Variants in PBX1 observed in about 807,000 individuals in gnomAD.
The protein encoded by PBX1 is PBX homeobox 1.
PBX1 carries 6 observed loss-of-function variants against 53.4 expected under a neutral mutation model. The observed-to-expected ratio is 0.11, with a 90% CI of 0.06 to 0.22. The LOEUF (loss-of-function observed/expected upper bound fraction) is 0.22, where lower values mean the gene tolerates loss of function less well. Ranked by LOEUF, PBX1 falls within the 10% of genes least tolerant of loss-of-function variation. The pLI is 1.00. For missense variants in PBX1, 251 were observed against 551.4 expected, an observed-to-expected ratio of 0.46 and a Z score of 5.46; for synonymous variants, 204 against 212.3, an observed-to-expected ratio of 0.96 and a Z score of 0.34.
intron 2 of PBX1, among the ~76,000 whole-genome samples, chr1:164,600,919 T>C (rs1236158363): frequency 6.6e-6 from 1 of 152,050 alleles, no homozygotes; most frequent in Non-Finnish European, 1.5e-5. Context: ...TTTATAAAAA[T>C]TGGAGATTCT....
At chr1:164,755,197 C>G (rs533701799) in intron 2 of PBX1, among the ~76,000 whole-genome samples, 201 of 152,298 alleles carry the variant, frequency 1.3e-3, no homozygotes, top group African/African-American at 4.6e-3. Context: ...TTTCACCCTT[C>G]TTGCCCAGGC....
chr1:164,834,615 G>A (rs907068884), intron 8 of PBX1, among the ~76,000 whole-genome samples: 5 of 152,116 alleles, frequency 3.3e-5, no homozygotes, highest in Non-Finnish European at 5.9e-5. Context: ...AAAGTGGTGG[G>A]ATTACAGGCG....
chr1:164,832,820 C>T lies in PBX1; in HGVS notation c.1200+11194C>T, dbSNP rs182806024. Among the ~76,000 whole-genome samples, 18 of 151,896 alleles carry T rather than the reference C, an allele frequency of 1.2e-4. No homozygotes were observed. In the South Asian group the frequency reaches 1.9e-3, roughly 16 times the overall value. On this transcript the variant is annotated intron_variant, in intron 8 of 8. Transcript: ENST00000420696. ...GAAGGTTAAAAGCAATTAAGATACA[C>T]GGGTACTGAAGAGAATAATAAAAAC... is the stretch of plus-strand genomic sequence containing the variant.
chr1:164,603,079 C>T (rs1005538990), intron 2 of PBX1, among the ~76,000 whole-genome samples: 1 of 152,226 alleles, frequency 6.6e-6, no homozygotes, highest in East Asian at 1.9e-4. Flanking sequence ...CTTCCTTCTT[C>T]CATACCCACT....
chr1:164,835,562 G>C (rs1468301171), intron 8 of PBX1, among the ~76,000 whole-genome samples: 1 of 152,118 alleles, frequency 6.6e-6, no homozygotes, highest in Admixed American at 6.6e-5. Flanking sequence ...TGGGTTGCTA[G>C]TGCGATTGAA....
At chr1:164,680,604 A>G (rs1009071759) in intron 2 of PBX1, 9 of 152,212 alleles carry the variant, frequency 5.9e-5, no homozygotes, top group African/African-American at 2.2e-4. Context: ...ACAGAATCAT[A>G]AATTCTTCTA....
intron 3 of PBX1, 118 bp from the exon 4 acceptor site, chr1:164,799,581 C>A (rs959421878): frequency 1.1e-5 from 9 of 820,400 alleles, no homozygotes; most frequent in Non-Finnish European, 1.7e-5. Context: ...CACAAACTAT[C>A]CTAGTTTTCT....
At chr1:164,793,884 T>TC (rs1249662954) in intron 3 of PBX1, among the ~76,000 whole-genome samples, 5 of 141,690 alleles carry the variant, frequency 3.5e-5, no homozygotes, top group Admixed American at 7.0e-5. Context: ...TTTTTTTTTT[T>TC]TTTTTTTTGA....
At chr1:164,878,743 A>C (rs1213420043) in intron 2 of PBX1, among the ~76,000 whole-genome samples, 1 of 152,244 alleles carries the variant, frequency 6.6e-6, no homozygotes, top group East Asian at 1.9e-4. Flanking sequence ...ATGGGTAAAA[A>C]AACAAAATTA....
At chr1:164,792,059 G>T (rs912899500) in intron 2 of PBX1, among the ~76,000 whole-genome samples, 1 of 151,930 alleles carries the variant, frequency 6.6e-6, no homozygotes, top group Non-Finnish European at 1.5e-5. Context: ...TCCTGACCTC[G>T]TGATCAACCC....
chr1:164,829,985 A>G (rs1670671849), intron 8 of PBX1: 1 of 152,304 alleles, frequency 6.6e-6, no homozygotes, highest in East Asian at 1.9e-4. Context: ...TTTGAAAAAG[A>G]AAATAAATGT....
intron 2 of PBX1, among the ~76,000 whole-genome samples, chr1:164,870,295 T>C (rs1672337935): frequency 2.1e-5 from 1 of 47,296 alleles, no homozygotes; most frequent in Admixed American, 2.2e-4. Context: ...CTTTCTTTCT[T>C]TCTTTCTTTC....
chr1:164,727,187 A>G (rs1275260585), intron 2 of PBX1, among the ~76,000 whole-genome samples: 1 of 152,232 alleles, frequency 6.6e-6, no homozygotes, highest in Non-Finnish European at 1.5e-5. Flanking sequence ...ATGAACATGT[A>G]ATGAAATTCA....
chr1:164,622,237 C>T (rs981386857), intron 2 of PBX1, among the ~76,000 whole-genome samples: 5 of 152,162 alleles, frequency 3.3e-5, no homozygotes, highest in Admixed American at 1.3e-4. Flanking sequence ...CTGTTCCCAG[C>T]GTTGTCTCTT....
intron 2 of PBX1, among the ~76,000 whole-genome samples, chr1:164,666,126 C>T (rs960004631): frequency 6.6e-6 from 1 of 152,164 alleles, no homozygotes; most frequent in African/African-American, 2.4e-5. Flanking sequence ...GTACCGTTCA[C>T]TATTCCCACG....
intron 2 of PBX1, among the ~76,000 whole-genome samples, chr1:164,687,683 A>G (rs1662198309): frequency 6.6e-6 from 1 of 152,164 alleles, no homozygotes; most frequent in Admixed American, 6.5e-5. Flanking sequence ...GCACATCTGA[A>G]TGAAGCCAAA....
chr1:164,639,195 T>G (rs1448840018), intron 2 of PBX1, among the ~76,000 whole-genome samples: 1 of 152,208 alleles, frequency 6.6e-6, no homozygotes, highest in Non-Finnish European at 1.5e-5. Context: ...GCAGCAAGTA[T>G]AAAGTAATTG....
At chr1:164,751,097 C>T (rs1159965332) in intron 2 of PBX1, among the ~76,000 whole-genome samples, 6 of 151,950 alleles carry the variant, frequency 3.9e-5, no homozygotes, top group African/African-American at 1.4e-4. Context: ...GGGCGGATCA[C>T]TTGAGGTCAG....
chr1:164,837,827 T>C (rs369688408), intron 8 of PBX1, among the ~76,000 whole-genome samples: 1 of 152,186 alleles, frequency 6.6e-6, no homozygotes, highest in East Asian at 1.9e-4. Flanking sequence ...ATTTGTACTT[T>C]TAACAGAAAT....
Sources: gnomAD v4.1 joint callset for allele counts (sites outside exome capture counted in the v4.1 genomes callset) on GRCh38, gnomAD v4.1.1 for gene constraint, MANE v1.5 for transcripts, NCBI Gene and HGNC (gene_info 2026-07-23, HGNC 2026-07-21) for gene names.